Variants in ABTB3 observed in about 807,000 individuals in gnomAD.
ABTB3 encodes the protein ankyrin repeat and BTB domain containing 3.
the ABTB3 span, among the ~76,000 whole-genome samples, chr12:107,560,836 A>C: frequency 1.3e-5 from 2 of 152,176 alleles, no homozygotes; most frequent in African/African-American, 4.8e-5. Flanking sequence ...GATGAGGAAA[A>C]CACCACAATT....
the ABTB3 span, among the ~76,000 whole-genome samples, chr12:107,573,147 A>T: frequency 3.9e-5 from 6 of 152,170 alleles, no homozygotes; most frequent in African/African-American, 1.4e-4. Context: ...CCTCTGTTTC[A>T]TGGTTCCCAA....
chr12:107,601,160 C>T, the ABTB3 span, among the ~76,000 whole-genome samples: 16,467 of 152,232 alleles, frequency 0.11, 1,033 homozygotes, highest in African/African-American at 0.15. Flanking sequence ...TTATCATCTT[C>T]CCTGTTTTGC....
chr12:107,468,696 T>C, the ABTB3 span, among the ~76,000 whole-genome samples: 8 of 152,218 alleles, frequency 5.3e-5, no homozygotes, highest in East Asian at 7.7e-4. Flanking sequence ...GGCAGTGTTT[T>C]GGGCAAAGGA....
At chr12:107,536,665 A>C in the ABTB3 span, among the ~76,000 whole-genome samples, 25 of 152,218 alleles carry the variant, frequency 1.6e-4, no homozygotes, top group Admixed American at 9.2e-4. Flanking sequence ...GGAAATGCAA[A>C]TCAAAACCAC....
the ABTB3 span, among the ~76,000 whole-genome samples, chr12:107,477,725 T>C: frequency 1.6e-4 from 24 of 152,198 alleles, no homozygotes; most frequent in Non-Finnish European, 3.2e-4. Flanking sequence ...ATAAACTAAA[T>C]GTGAACTCAA....
the ABTB3 span, among the ~76,000 whole-genome samples, chr12:107,411,013 A>G: frequency 6.6e-6 from 1 of 152,182 alleles, no homozygotes; most frequent in African/African-American, 2.4e-5. Context: ...GTTTACATTA[A>G]TTGAGGTCAG....
At chr12:107,602,389 C>T in the ABTB3 span, among the ~76,000 whole-genome samples, 1 of 152,226 alleles carries the variant, frequency 6.6e-6, no homozygotes, top group African/African-American at 2.4e-5. Context: ...CTTCCAAATA[C>T]AGTATATTCT....
At chr12:107,613,051 C>A in the ABTB3 span, among the ~76,000 whole-genome samples, 1 of 152,208 alleles carries the variant, frequency 6.6e-6, no homozygotes, top group East Asian at 1.9e-4. Context: ...TTTTGTCCAT[C>A]CTGAGGCCCC....
chr12:107,504,320 C>T, the ABTB3 span, among the ~76,000 whole-genome samples: 5 of 152,252 alleles, frequency 3.3e-5, no homozygotes, highest in African/African-American at 1.2e-4. Flanking sequence ...ATCTACACTA[C>T]GTTAACAGCA....
At chr12:107,390,426 C>T in the ABTB3 span, among the ~76,000 whole-genome samples, 10,037 of 152,306 alleles carry the variant, frequency 0.066, 607 homozygotes, top group African/African-American at 0.16. Flanking sequence ...GCTGTTTCCT[C>T]TATGACATCC....
At chr12:107,532,127 A>G in the ABTB3 span, among the ~76,000 whole-genome samples, 1 of 152,168 alleles carries the variant, frequency 6.6e-6, no homozygotes, top group East Asian at 1.9e-4. Context: ...TAAAGACAAG[A>G]CCACCAGCAT....
At chr12:107,331,324 C>A in the ABTB3 span, among the ~76,000 whole-genome samples, 3 of 152,208 alleles carry the variant, frequency 2.0e-5, no homozygotes, top group Non-Finnish European at 2.9e-5. Context: ...ATGGAGCTTG[C>A]AGGCTTGAGG....
the ABTB3 span, among the ~76,000 whole-genome samples, chr12:107,482,452 T>A: frequency 6.6e-6 from 1 of 152,028 alleles, no homozygotes; most frequent in South Asian, 2.1e-4. Context: ...GCTTGGAGTG[T>A]GGGAAGGGAA....
the ABTB3 span, among the ~76,000 whole-genome samples, chr12:107,360,530 G>A: frequency 5.3e-5 from 8 of 152,168 alleles, no homozygotes; most frequent in South Asian, 1.7e-3. Context: ...TCCCCAGCCA[G>A]CAATGACTGT....
chr12:107,381,691 C>T, the ABTB3 span, among the ~76,000 whole-genome samples: 1 of 152,142 alleles, frequency 6.6e-6, no homozygotes, highest in African/African-American at 2.4e-5. Flanking sequence ...GCAGGGGGAA[C>T]CATTCTGACT....
At chr12:107,481,571 A>G in the ABTB3 span, among the ~76,000 whole-genome samples, 1 of 152,110 alleles carries the variant, frequency 6.6e-6, no homozygotes, top group East Asian at 1.9e-4. Context: ...AGAAGAAGGC[A>G]TGGAAGCCCA....
chr12:107,555,670 A>G, the ABTB3 span, among the ~76,000 whole-genome samples: 1 of 152,224 alleles, frequency 6.6e-6, no homozygotes, highest in Non-Finnish European at 1.5e-5. Flanking sequence ...TTACGTTTAA[A>G]TTGATTCAAA....
the ABTB3 span, among the ~76,000 whole-genome samples, chr12:107,623,576 A>G: frequency 6.6e-6 from 1 of 151,434 alleles, no homozygotes; most frequent in African/African-American, 2.4e-5. Flanking sequence ...CATTTTGACC[A>G]GGCTGGTCTC....
chr12:107,400,713 C>T, the ABTB3 span, among the ~76,000 whole-genome samples: 5 of 151,952 alleles, frequency 3.3e-5, no homozygotes, highest in East Asian at 7.7e-4. Context: ...TTTAGGGACA[C>T]GCAAAGTATA....
Sources: allele counts gnomAD v4.1 joint callset (sites outside exome capture counted in the v4.1 genomes callset), GRCh38; gene constraint gnomAD v4.1.1; transcripts MANE v1.5; gene names NCBI Gene and HGNC (gene_info 2026-07-23, HGNC 2026-07-21).